ADORA2B: variants seen among roughly 807,000 people sequenced by gnomAD.
ADORA2B encodes adenosine A2b receptor, also known as adenosine receptor A2b.
In ADORA2B, 18 loss-of-function variants were observed where a neutral mutation model predicts 20.8. The ratio of observed to expected loss-of-function variants is 0.87; its 90% CI spans 0.60 to 1.29. The LOEUF (loss-of-function observed/expected upper bound fraction) is 1.29. ADORA2B is among the 50% of genes most tolerant of loss of function. The pLI, the probability that ADORA2B is intolerant of heterozygous loss-of-function variation, is 0.00. For synonymous variants in ADORA2B, 179 were observed against 178.3 expected (o/e 1.00, Z -0.03); for missense variants, 441 against 422.7 (o/e 1.04, Z -0.38).
At chr17:15,851,445 A>C in the ADORA2B span, among the ~76,000 whole-genome samples, 2 of 151,680 alleles carry the variant, frequency 1.3e-5, no homozygotes, top group African/African-American at 2.4e-5. Flanking sequence ...CCACAGGTGC[A>C]GTCCATGCCA....
chr17:15,963,121 T>C (rs1398347550), intron 1 of ADORA2B, among the ~76,000 whole-genome samples: 4 of 152,094 alleles, frequency 2.6e-5, no homozygotes, highest in Non-Finnish European at 4.4e-5. Context: ...TAATAAAAAA[T>C]AGTGAATTAC....
the ADORA2B span, among the ~76,000 whole-genome samples, chr17:15,895,481 A>C: frequency 6.6e-6 from 1 of 152,138 alleles, no homozygotes; most frequent in Non-Finnish European, 1.5e-5. Flanking sequence ...TTGCACAGCA[A>C]ATCCGGAGCC....
the ADORA2B span, among the ~76,000 whole-genome samples, chr17:15,900,148 C>T: frequency 4.6e-5 from 7 of 152,180 alleles, no homozygotes; most frequent in South Asian, 6.2e-4. Flanking sequence ...TTTCTTTATC[C>T]GGTCCACCAC....
At chr17:15,872,000 T>G in the ADORA2B span, among the ~76,000 whole-genome samples, 2 of 152,204 alleles carry the variant, frequency 1.3e-5, no homozygotes, top group African/African-American at 4.8e-5. Flanking sequence ...GAAGACGTGA[T>G]GCCAGGTGAA....
the ADORA2B span, among the ~76,000 whole-genome samples, chr17:15,932,892 T>A: frequency 6.7e-6 from 1 of 150,280 alleles, no homozygotes. Context: ...CATTTAAAGG[T>A]AAAAACCTAA....
At chr17:15,871,560 C>T in the ADORA2B span, among the ~76,000 whole-genome samples, 5 of 152,142 alleles carry the variant, frequency 3.3e-5, no homozygotes, top group South Asian at 2.1e-4. Context: ...GAGGGGCTCA[C>T]GGTTCTGAAA....
chr17:15,924,828 C>A, the ADORA2B span, among the ~76,000 whole-genome samples: 1 of 151,620 alleles, frequency 6.6e-6, no homozygotes, highest in East Asian at 1.9e-4. Context: ...CCCCCCTTAG[C>A]CCCTCCAGTC....
At chr17:15,874,042 G>GTGTGTATA in the ADORA2B span, among the ~76,000 whole-genome samples, 553 of 134,740 alleles carry the variant, frequency 4.1e-3, 3 homozygotes, top group African/African-American at 0.017. Context: ...ATATATATGT[G>GTGTGTATA]TATATATATA....
the ADORA2B span, among the ~76,000 whole-genome samples, chr17:15,894,083 C>G: frequency 6.6e-6 from 1 of 152,126 alleles, no homozygotes; most frequent in Non-Finnish European, 1.5e-5. Context: ...TCCCACAGAA[C>G]ATACTTTGGA....
chr17:15,965,168 C>T (rs1970100223), intron 1 of ADORA2B, among the ~76,000 whole-genome samples: 1 of 152,220 alleles, frequency 6.6e-6, no homozygotes, highest in South Asian at 2.1e-4. Context: ...TAGATAGCCT[C>T]TAGTGGTTTA....
intron 1 of ADORA2B, among the ~76,000 whole-genome samples, chr17:15,968,335 G>A (rs1436237540): frequency 6.6e-6 from 1 of 152,196 alleles, no homozygotes; most frequent in African/African-American, 2.4e-5. Context: ...CTCAGTATGT[G>A]AGGACTTTGG....
At chr17:15,851,867 A>G in the ADORA2B span, among the ~76,000 whole-genome samples, 1,433 of 152,196 alleles carry the variant, frequency 9.4e-3, 29 homozygotes, top group African/African-American at 0.032. Context: ...TGATAGACAC[A>G]TTGCCCTCAG....
At chr17:15,906,890 A>G in the ADORA2B span, among the ~76,000 whole-genome samples, 1 of 152,242 alleles carries the variant, frequency 6.6e-6, no homozygotes, top group Non-Finnish European at 1.5e-5. Flanking sequence ...TTCAACTATT[A>G]TGAAGTTCAA....
At chr17:15,961,803 C>T (rs951153275) in intron 1 of ADORA2B, among the ~76,000 whole-genome samples, 25 of 152,080 alleles carry the variant, frequency 1.6e-4, no homozygotes, top group African/African-American at 5.3e-4. Context: ...ATAACAGACC[C>T]ACTCTCAAGA....
the ADORA2B span, among the ~76,000 whole-genome samples, chr17:15,894,600 G>A: frequency 6.6e-6 from 1 of 152,224 alleles, no homozygotes; most frequent in African/African-American, 2.4e-5. Flanking sequence ...AACCACGAGA[G>A]TGGTAGCAAC....
chr17:15,858,644 G>GCACACACGCGTGCGCACA, the ADORA2B span: 2 of 152,478 alleles, frequency 1.3e-5, no homozygotes, highest in East Asian at 3.9e-4. Context: ...ACTGTTGGAC[G>GCACACACGCGTGCGCACA]CACACACGCG....
At chr17:15,898,144 A>C in the ADORA2B span, among the ~76,000 whole-genome samples, 1 of 152,192 alleles carries the variant, frequency 6.6e-6, no homozygotes. Flanking sequence ...AGTAGCAGGG[A>C]TCTCCTTTCA....
At chr17:15,904,683 T>C in the ADORA2B span, among the ~76,000 whole-genome samples, 7 of 152,206 alleles carry the variant, frequency 4.6e-5, no homozygotes, top group Non-Finnish European at 1.0e-4. Flanking sequence ...GCCTGTACTT[T>C]TGCTTTTTAC....
chr17:15,961,164 CAA>C (rs60034008), intron 1 of ADORA2B, among the ~76,000 whole-genome samples: 351 of 144,496 alleles, frequency 2.4e-3, no homozygotes, highest in Middle Eastern at 3.5e-3. Context: ...GAGACTCTGT[CAA>C]AAAAAAAAAA....
Sources: allele counts gnomAD v4.1 joint callset (sites outside exome capture counted in the v4.1 genomes callset), GRCh38; gene constraint gnomAD v4.1.1; transcripts MANE v1.5; gene names NCBI Gene and HGNC (gene_info 2026-07-23, HGNC 2026-07-21).